Variants in PCDHGB1 observed in about 807,000 individuals in gnomAD.
The protein encoded by PCDHGB1 is protocadherin gamma subfamily B, 1.
Under a neutral mutation model 56.6 loss-of-function variants are expected in PCDHGB1, and 34 were observed. That is an observed-to-expected ratio of 0.60 (90% CI 0.46 to 0.80). PCDHGB1 has a LOEUF of 0.80. PCDHGB1 is among the 30% of genes least tolerant of loss of function. The pLI, the probability that PCDHGB1 is intolerant of heterozygous loss-of-function variation, is 0.00. For missense variants in PCDHGB1, 1,278 were observed against 1,204.6 expected (o/e 1.06, Z -0.90); for synonymous variants, 561 against 505.9 (o/e 1.11, Z -1.46).
In PCDHGB1 at chr5:141,398,664, A is replaced by G. The variant is rs762356100; in HGVS notation, c.2409+45995A>G. The G allele has an allele frequency of 4.3e-6, 7 of 1,612,604 alleles. No individual in the cohort carries two copies. In the East Asian group the frequency reaches 8.9e-5, roughly 21 times the overall value. ...AACTCTCTCTTAACCCAAGTTTCTC[A>G]TTAATAATTAAGGAGAAACAGGATG... On this transcript the variant is annotated intron_variant, in intron 1 of 3. Transcript: ENST00000523390.
chr5:141,357,006 C>T (rs1335226609), intron 1 of PCDHGB1: 2 of 1,614,158 alleles, frequency 1.2e-6, no homozygotes, highest in Non-Finnish European at 1.7e-6. Context: ...GTCAGAATGC[C>T]TGGCTGTCCT....
In PCDHGB1 at chr5:141,393,139, T is replaced by A. The variant is rs753058672; in HGVS notation, c.2409+40470T>A. 1.2e-6 allele frequency: 2 copies of A among 1,613,322 alleles called. No individual in the cohort carries two copies. The highest frequency in any genetic ancestry group is 3.3e-5 in the Admixed American group (2 of 60,032). ...CGGTGTCTGATAAATATTAACACCC[T>A]GGTTGAGGATAAAGGAAAACTCTTT... On this transcript the variant is annotated intron_variant, in intron 1 of 3. Coordinates refer to ENST00000523390, the MANE Select transcript of PCDHGB1 (RefSeq NM_018922.3).
At chr5:141,389,500 C>A in intron 1 of PCDHGB1, 1 of 1,613,056 alleles carries the variant, frequency 6.2e-7, no homozygotes, top group Non-Finnish European at 8.5e-7. Context: ...GGCTCGCCAG[C>A]GCTCAGCGCG....
At chr5:141,450,817 A>T (rs1302552522) in intron 1 of PCDHGB1, among the ~76,000 whole-genome samples, 1 of 137,468 alleles carries the variant, frequency 7.3e-6, no homozygotes, top group Non-Finnish European at 1.5e-5. Context: ...TTTATTTAAT[A>T]TTATTATTAT....
At chr5:141,362,379 GC>G (rs776053945) in intron 1 of PCDHGB1, 10 of 1,613,886 alleles carry the variant, frequency 6.2e-6, no homozygotes, top group Non-Finnish European at 2.5e-6. Context: ...AGGGTACATT[GC>G]CCTATTCCTA....
chr5:141,477,265 G>A lies in PCDHGB1; in HGVS notation c.2410-17542G>A. The A allele has an allele frequency of 6.2e-7, 1 of 1,614,198 alleles. No individual in the cohort carries two copies. Among genetic ancestry groups the A allele is most frequent in the African/African-American group, 1.3e-5 (1 of 75,048 alleles). On this transcript the variant is annotated intron_variant, in intron 1 of 3. Transcript: ENST00000523390. The surrounding 1 kb of genome is among the most constrained non-coding windows in gnomAD (Gnocchi z 4.9). ...GTGTGACTGACCTGGATGCTGGCGA[G>A]AACGGGCTGGTGACCTGCGAAGTTC...
At chr5:141,466,763 C>T (rs960940073) in intron 1 of PCDHGB1, among the ~76,000 whole-genome samples, 31 of 152,272 alleles carry the variant, frequency 2.0e-4, no homozygotes, top group Middle Eastern at 6.8e-3. Context: ...TCTTTTCAAA[C>T]TGTTATCTTA....
chr5:141,457,481 G>T (rs990111430), intron 1 of PCDHGB1, among the ~76,000 whole-genome samples: 1 of 152,212 alleles, frequency 6.6e-6, no homozygotes, highest in African/African-American at 2.4e-5. Context: ...CAGGGCCAGG[G>T]TTAGTCTAAA....
intron 1 of PCDHGB1, chr5:141,374,138 C>A: frequency 6.2e-7 from 1 of 1,608,824 alleles, no homozygotes. Context: ...GCTCCTCACG[C>A]TCCTGGGGAC....
In PCDHGB1 at chr5:141,364,378, CT is replaced by C. The variant is rs1763292198; in HGVS notation, c.2409+11711del. The stretch of plus-strand genomic sequence containing the variant: ...GGGGCTGCGGAGAGCTGCTGCTGCC[CT>C]TCATGCTCCTGGGGACGCTGTGCGA... On this transcript the variant is annotated intron_variant, in intron 1 of 3. Transcript: ENST00000523390. 5 of 1,579,064 alleles carry C rather than the reference CT, an allele frequency of 3.2e-6. No individual in the cohort carries two copies. The East Asian group carries it at 1.1e-4, about 35-fold the overall frequency.
intron 1 of PCDHGB1, among the ~76,000 whole-genome samples, chr5:141,447,650 T>G (rs555134653): frequency 1.3e-5 from 2 of 151,988 alleles, no homozygotes; most frequent in Non-Finnish European, 2.9e-5. Flanking sequence ...GGTAGAATTT[T>G]CCCCCCCAGG....
At position 141,351,827 on chromosome 5, in the gene PCDHGB1, G is replaced by A. The variant is rs191017713; in HGVS notation, c.1567G>A (p.Ala523Thr). The stretch of plus-strand genomic sequence containing the variant: ...CGCCTTCGACCACGAGCAGCTGCGC[G>A]CCTTCGAGCTCACACTGCAGGCCAG... ...QRAFDHEQLR[A>T]FELTLQARDQ... The change falls in exon 1 of 4, where the codon GCC (alanine) becomes ACC (threonine). Residue 523 changes from alanine (A) to threonine (T), a missense_variant. Transcript: ENST00000523390. The A allele has an allele frequency of 3.1e-6, 5 of 1,613,080 alleles. No individual in the cohort carries two copies. Among genetic ancestry groups the A allele is most frequent in the Non-Finnish European group, 4.2e-6 (5 of 1,179,826 alleles).
chr5:141,406,331 C>T lies in PCDHGB1; in HGVS notation c.2409+53662C>T, dbSNP rs577134835. 6.6e-5 allele frequency among the ~76,000 whole-genome samples: 10 copies of T among 152,002 alleles called. No homozygotes were observed. In the East Asian group the frequency reaches 1.3e-3, roughly 21 times the overall value. ...CTCACCCAGCAAATTCTTACTCCTA[C>T]GATCATTTATTCAGGTCATACTATG... On this transcript the variant is annotated intron_variant, in intron 1 of 3. Coordinates refer to ENST00000523390, the MANE Select transcript of PCDHGB1 (RefSeq NM_018922.3).
chr5:141,372,340 G>A lies in PCDHGB1; in HGVS notation c.2409+19671G>A, dbSNP rs754973851. 4 of 1,613,790 alleles carry A rather than the reference G, an allele frequency of 2.5e-6. No individual in the cohort carries two copies. In the South Asian group the frequency reaches 4.4e-5, roughly 18 times the overall value. On this transcript the variant is annotated intron_variant, in intron 1 of 3. Transcript: ENST00000523390. ...CGCCTGCTGGTCACTGTGCGTGATG[G>A]AGGACAGCAGCCTCTTTCAGCCACC...
At chr5:141,371,615 T>C (rs754452070) in intron 1 of PCDHGB1, 3 of 1,613,964 alleles carry the variant, frequency 1.9e-6, no homozygotes, top group Middle Eastern at 3.3e-4. Flanking sequence ...TGGTGACAGA[T>C]GGAGCCCTGG....
chr5:141,383,924 A>T (rs1215078494), intron 1 of PCDHGB1: 1 of 1,613,832 alleles, frequency 6.2e-7, no homozygotes, highest in Non-Finnish European at 8.5e-7. Context: ...GATGTAAATG[A>T]TAATGCTCCA....
chr5:141,457,504 A>G (rs2098922754), intron 1 of PCDHGB1, among the ~76,000 whole-genome samples: 1 of 152,222 alleles, frequency 6.6e-6, no homozygotes, highest in Non-Finnish European at 1.5e-5. Context: ...GTAGGCAAAA[A>G]GCTTAAAAAC....
rs1338955892 is a variant in PCDHGB1, at chr5:141,502,521, T to C, written c.2469-2872T>C. 5.9e-5 allele frequency among the ~76,000 whole-genome samples: 9 copies of C among 152,338 alleles called. No homozygotes were observed. In the East Asian group the frequency reaches 1.7e-3, roughly 29 times the overall value. The stretch of plus-strand genomic sequence containing the variant: ...CGTCGGCCTGTCCCACTATCAGTGA[T>C]GCCGAGTTTGTTCGTGTGGTAAAAA... On this transcript the variant is annotated intron_variant, in intron 2 of 3. Transcript: ENST00000523390.
intron 1 of PCDHGB1, among the ~76,000 whole-genome samples, chr5:141,439,595 G>A (rs752771969): frequency 3.9e-5 from 6 of 152,192 alleles, no homozygotes; most frequent in Non-Finnish European, 5.9e-5. Flanking sequence ...CTGTTGGCCA[G>A]TCTGGAAACA....
Sources: allele counts gnomAD v4.1 joint callset (sites outside exome capture counted in the v4.1 genomes callset), GRCh38; gene constraint gnomAD v4.1.1; non-coding constraint Gnocchi (gnomAD v3.1); transcripts MANE v1.5; gene names NCBI Gene and HGNC (gene_info 2026-07-23, HGNC 2026-07-21).